PM20D2: variants seen among roughly 807,000 people sequenced by gnomAD.
PM20D2 encodes the protein xaa-Arg dipeptidase.
Under a neutral mutation model 42.9 loss-of-function variants are expected in PM20D2, and 33 were observed. That is an observed-to-expected ratio of 0.77 (90% CI 0.58 to 1.03). The LOEUF (loss-of-function observed/expected upper bound fraction) is 1.03, where lower values mean the gene tolerates loss of function less well. Among genes scored for constraint, PM20D2 ranks in the 50% least tolerant of loss-of-function variants. PM20D2 has a pLI of 0.00. For missense variants in PM20D2, 548 were observed against 557.0 expected, an observed-to-expected ratio of 0.98 and a Z score of 0.16; for synonymous variants, 250 against 228.2, an observed-to-expected ratio of 1.10 and a Z score of -0.86.
chr6:89,121,192 A>C, the PM20D2 span, among the ~76,000 whole-genome samples: 3 of 152,204 alleles, frequency 2.0e-5, no homozygotes, highest in South Asian at 6.2e-4. Context: ...TCTCTTAGCA[A>C]CTTGAACTTA....
At chr6:89,132,940 T>C in the PM20D2 span, among the ~76,000 whole-genome samples, 258 of 151,094 alleles carry the variant, frequency 1.7e-3, 16 homozygotes, top group African/African-American at 6.1e-3. Context: ...TGCTACTTAA[T>C]GGCCAGATGC....
At chr6:89,144,991 G>GT (rs1391491183), upstream of PM20D2, among the ~76,000 whole-genome samples, 2 of 152,216 alleles carry the variant, frequency 1.3e-5, no homozygotes, top group Non-Finnish European at 2.9e-5. Context: ...CTTCGTGCAT[G>GT]TTAGCTTCCC....
Position 89,164,107 on chromosome 6 carries a change from G to A in PM20D2, c.*1844G>A, listed in dbSNP as rs1385264254. The A allele has an allele frequency of 6.6e-6, 1 of 152,058 alleles. No individual in the cohort carries two copies. Among genetic ancestry groups the A allele is most frequent in the East Asian group, 1.9e-4 (1 of 5,190 alleles). The allele number at this position is 152,058 out of a possible 1,614,324, so 9.4% of individuals were successfully genotyped here. On this transcript the variant is annotated 3_prime_UTR_variant, in exon 7 of 7. Transcript: ENST00000275072. Reference sequence around the variant, plus strand: ...CGGTTTTAACAAATTCTCCACATGTGAACTACTCAAGAAATTTTCCCTTTT... The same window carrying A: ...CGGTTTTAACAAATTCTCCACATGTAAACTACTCAAGAAATTTTCCCTTTT...
intron 3 of PM20D2, among the ~76,000 whole-genome samples, chr6:89,153,672 A>C (rs1034248386): frequency 3.3e-5 from 5 of 152,172 alleles, no homozygotes; most frequent in Non-Finnish European, 5.9e-5. Context: ...ATCTCGGCTC[A>C]CTGCAACTTC....
the PM20D2 span, among the ~76,000 whole-genome samples, chr6:89,104,553 T>G: frequency 2.6e-5 from 4 of 152,022 alleles, no homozygotes; most frequent in African/African-American, 9.7e-5. Flanking sequence ...TATTTTTTTT[T>G]ACTTTTTTTT....
At chr6:89,126,887 A>G in the PM20D2 span, among the ~76,000 whole-genome samples, 1 of 152,178 alleles carries the variant, frequency 6.6e-6, no homozygotes, top group Non-Finnish European at 1.5e-5. Context: ...GTCATATCAG[A>G]AAAAAGTTAT....
the PM20D2 span, among the ~76,000 whole-genome samples, chr6:89,095,244 G>C: frequency 6.6e-6 from 1 of 152,038 alleles, no homozygotes; most frequent in African/African-American, 2.4e-5. Flanking sequence ...ATTTATTTTT[G>C]AGACAGTGTC....
At chr6:89,103,991 C>CTTTTT in the PM20D2 span, among the ~76,000 whole-genome samples, 14 of 81,950 alleles carry the variant, frequency 1.7e-4, 2 homozygotes, top group African/African-American at 6.1e-4. Flanking sequence ...TATTATATTT[C>CTTTTT]TTTTTTTTTT....
rs767817516 is a variant in PM20D2 at position 89,158,410 on chromosome 6, A to G, written c.998A>G (p.Lys333Arg). Reference sequence around the variant, plus strand: ...AAAGCCTATATGGAAAATGGAAGAAAGCTAGGAATAGAGTTCATTTCAGAA... The same window carrying G: ...AAAGCCTATATGGAAAATGGAAGAAGGCTAGGAATAGAGTTCATTTCAGAA... ...LWKAYMENGRKLGIEFISEDT... is the reference protein window; with the variant it reads ...LWKAYMENGRRLGIEFISEDT... The change falls in exon 5 of 7, where the codon AAG becomes AGG. Residue 333 changes from lysine (K) to arginine (R), a missense_variant. Coordinates refer to ENST00000275072, the MANE Select transcript of PM20D2 (RefSeq NM_001010853.3). 6.2e-7 allele frequency: 1 copy of G among 1,612,758 alleles called. No individual in the cohort carries two copies. Among genetic ancestry groups the G allele is most frequent in the Non-Finnish European group, 8.5e-7 (1 of 1,179,650 alleles).
At position 89,146,380 on chromosome 6, in the gene PM20D2, C is replaced by A. The variant is rs754150093; in HGVS notation, c.236C>A (p.Pro79Gln). 6.5e-7 allele frequency: 1 copy of A among 1,536,750 alleles called. No individual in the cohort carries two copies. The highest frequency in any genetic ancestry group is 2.4e-5 in the East Asian group (1 of 41,046). Residue 79 changes from proline to glutamine, a missense_variant, in exon 1 of 7, where the codon CCG becomes CAG. Coordinates refer to ENST00000275072, the MANE Select transcript of PM20D2 (RefSeq NM_001010853.3). ...CCCGCGGCCTCCTGGGCAGTGCAGC[C>A]GCACTACCAGCTGCCCACGGCCTTC... Reference protein sequence around the residue: ...EPPAASWAVQPHYQLPTAFRA... With the variant: ...EPPAASWAVQQHYQLPTAFRA...
At position 89,146,195 on chromosome 6, in the gene PM20D2, C is replaced by A; in HGVS notation, c.51C>A (p.Arg17=). The change falls in exon 1 of 7, where the codon CGC becomes CGA. Residue 17 remains arginine, a synonymous_variant. Transcript: ENST00000275072. ...RPVEGGACNG[R]SELELLKLRS... The stretch of plus-strand genomic sequence containing the variant: ...TGGAAGGGGGCGCGTGCAATGGCCG[C>A]TCCGAGCTGGAGCTACTGAAGCTGC... 6.5e-7 allele frequency: 1 copy of A among 1,549,914 alleles called. No individual in the cohort carries two copies. Among genetic ancestry groups the A allele is most frequent in the Non-Finnish European group, 8.7e-7 (1 of 1,155,896 alleles).
At chr6:89,156,087 T>C (rs957267471) in intron 4 of PM20D2, among the ~76,000 whole-genome samples, 14 of 152,098 alleles carry the variant, frequency 9.2e-5, no homozygotes, top group African/African-American at 3.4e-4. Context: ...GGTTTCATCA[T>C]GTTGGCCAGG....
the PM20D2 span, among the ~76,000 whole-genome samples, chr6:89,136,134 C>T: frequency 6.6e-6 from 1 of 151,124 alleles, no homozygotes; most frequent in African/African-American, 2.5e-5. Flanking sequence ...AAATGTATGC[C>T]CAGTTCAACT....
the PM20D2 span, among the ~76,000 whole-genome samples, chr6:89,099,428 GTGTA>G: frequency 1.3e-5 from 1 of 74,768 alleles, no homozygotes; most frequent in African/African-American, 4.5e-5. Flanking sequence ...ATATATATGT[GTGTA>G]TATATATACA....
chr6:89,130,819 C>CTTTTTTTTTTTTTTTTTTTTTTT, the PM20D2 span, among the ~76,000 whole-genome samples: 7 of 24,056 alleles, frequency 2.9e-4, no homozygotes, highest in African/African-American at 1.0e-3. Flanking sequence ...GCTTCTTCTT[C>CTTTTTTTTTTTTTTTTTTTTTTT]TTTTTTTTTT....
At chr6:89,154,140 A>T (rs1303869668) in intron 3 of PM20D2, among the ~76,000 whole-genome samples, 1 of 152,150 alleles carries the variant, frequency 6.6e-6, no homozygotes, top group African/African-American at 2.4e-5. Context: ...GTGTAGAAAT[A>T]TTTTTTTAAA....
At chr6:89,158,070 T>G (rs1771111041) in intron 4 of PM20D2, among the ~76,000 whole-genome samples, 1 of 152,178 alleles carries the variant, frequency 6.6e-6, no homozygotes, top group African/African-American at 2.4e-5. Flanking sequence ...AGTTGACACT[T>G]GGTAGCTAGT....
the PM20D2 span, among the ~76,000 whole-genome samples, chr6:89,122,654 T>C: frequency 1.2e-4 from 19 of 152,350 alleles, no homozygotes; most frequent in East Asian, 2.9e-3. Context: ...CTAGAACTAA[T>C]TGAAAATTAA....
At chr6:89,099,213 G>C in the PM20D2 span, among the ~76,000 whole-genome samples, 2 of 151,526 alleles carry the variant, frequency 1.3e-5, no homozygotes, top group Admixed American at 6.6e-5. Flanking sequence ...TGCATATTTG[G>C]TCTGAGTTAT....
Sources: allele counts gnomAD v4.1 joint callset (sites outside exome capture counted in the v4.1 genomes callset), GRCh38; gene constraint gnomAD v4.1.1; transcripts MANE v1.5; gene names NCBI Gene and HGNC (gene_info 2026-07-23, HGNC 2026-07-21).